Variants in ATG7 observed in about 807,000 individuals in gnomAD.
ATG7 encodes ubiquitin-like modifier-activating enzyme ATG7.
In ATG7, 70 loss-of-function variants were observed where a neutral mutation model predicts 82.4. That is an observed-to-expected ratio of 0.85 (90% CI 0.70 to 1.04). The LOEUF is 1.04. Among genes scored for constraint, ATG7 ranks in the 50% least tolerant of loss-of-function variants. ATG7 has a pLI of 0.00. For missense variants in ATG7, 792 were observed against 864.3 expected (o/e 0.92, Z 1.05); for synonymous variants, 287 against 313.0 (o/e 0.92, Z 0.88).
At position 11,557,138 on chromosome 3, in the gene ATG7, T is replaced by C. The variant is rs541506267; in HGVS notation, c.*2295T>C. ...CACAGCACACCCCAGGGGGAGGGGA[T>C]AGAAACGCTCATTGACCAAAAAGGA... On this transcript the variant is annotated 3_prime_UTR_variant, in exon 21 of 21. Coordinates refer to ENST00000693202, the MANE Select transcript of ATG7 (RefSeq NM_001349232.2). The C allele has an allele frequency of 1.3e-5, 2 of 152,720 alleles. No individual in the cohort carries two copies. The highest frequency in any genetic ancestry group is 2.4e-5 in the African/African-American group (1 of 41,562). 9.5% of individuals were successfully genotyped at this position (152,720 alleles called of 1,614,324 possible). A position where few individuals can be genotyped will look rare whatever the true frequency, so the allele number is the denominator to read the frequency against.
chr3:11,302,991 G>A (rs1207958109), intron 5 of ATG7, among the ~76,000 whole-genome samples: 1 of 152,196 alleles, frequency 6.6e-6, no homozygotes, highest in Non-Finnish European at 1.5e-5. Context: ...ACACTAAGAA[G>A]TTCATTTCTT....
At chr3:11,558,838 G>A, downstream of ATG7, 1 of 1,608,642 alleles carries the variant, frequency 6.2e-7, no homozygotes, top group South Asian at 1.1e-5. Context: ...CTGCAGGCAA[G>A]CAGGAAGGCA....
chr3:11,298,023 C>T (rs559450722), intron 3 of ATG7, among the ~76,000 whole-genome samples: 4 of 152,008 alleles, frequency 2.6e-5, no homozygotes, highest in Admixed American at 6.5e-5. Context: ...ACCAAAAATA[C>T]AAAAAATTAG....
At chr3:11,400,832 AC>A (rs1373597904) in intron 19 of ATG7, among the ~76,000 whole-genome samples, 1 of 143,494 alleles carries the variant, frequency 7.0e-6, no homozygotes, top group Non-Finnish European at 1.5e-5. Context: ...TACATTACAA[AC>A]GTCACTCAGG....
intron 20 of ATG7, among the ~76,000 whole-genome samples, chr3:11,500,427 C>T (rs759420366): frequency 2.0e-5 from 3 of 151,086 alleles, no homozygotes; most frequent in Non-Finnish European, 4.4e-5. Context: ...GTAACAATAA[C>T]ATATCTGATC....
chr3:11,282,146 C>T (rs1282631524), intron 2 of ATG7, 47 bp from the exon 3 acceptor site: 1 of 152,252 alleles, frequency 6.6e-6, no homozygotes, highest in Non-Finnish European at 1.5e-5. Flanking sequence ...TGCTTCCTCT[C>T]TCCTCTTTCC....
At chr3:11,573,307 GGAAGGAAGGAAGAAAGAAAGAAAGAAAGA>G in the ATG7 span, among the ~76,000 whole-genome samples, 9 of 19,960 alleles carry the variant, frequency 4.5e-4, 1 homozygote, top group African/African-American at 3.1e-3. Flanking sequence ...AAGAAAGAAA[GGAAGGAAGGAAGAAAGAAAGAAAGAAAGA>G]AAGAAAGAAA....
chr3:11,484,204 G>A (rs1574945125), intron 20 of ATG7, among the ~76,000 whole-genome samples: 1 of 152,086 alleles, frequency 6.6e-6, no homozygotes, highest in Non-Finnish European at 1.5e-5. Context: ...GACCAGCCTG[G>A]CCAATACAGT....
At chr3:11,334,344 A>G (rs890922092) in intron 11 of ATG7, among the ~76,000 whole-genome samples, 3 of 151,910 alleles carry the variant, frequency 2.0e-5, no homozygotes, top group Non-Finnish European at 4.4e-5. Flanking sequence ...TCCCAGGTTC[A>G]AGTGATTCTC....
chr3:11,494,803 G>T lies in ATG7; in HGVS notation c.2080-60008G>T, dbSNP rs144387308. Among the ~76,000 whole-genome samples, 26 of 152,318 alleles carry T rather than the reference G, an allele frequency of 1.7e-4. 1 individual carries two copies. The East Asian group carries it at 4.6e-3, about 27-fold the overall frequency. Reference sequence around the variant, plus strand: ...TAAAGGCTTGAACAGGCCAGGCATGGTGGCTCACACCAGTAATCCCAGCAC... The same window carrying T: ...TAAAGGCTTGAACAGGCCAGGCATGTTGGCTCACACCAGTAATCCCAGCAC... On this transcript the variant is annotated intron_variant, in intron 20 of 20. Transcript: ENST00000693202.
intron 9 of ATG7, among the ~76,000 whole-genome samples, chr3:11,329,568 C>G (rs186863819): frequency 5.9e-5 from 9 of 152,342 alleles, no homozygotes; most frequent in South Asian, 4.1e-4. Context: ...CACCGAGTGT[C>G]TGCTCTGTAT....
At chr3:11,511,354 CAG>C (rs1371814808) in intron 20 of ATG7, among the ~76,000 whole-genome samples, 1 of 152,168 alleles carries the variant, frequency 6.6e-6, no homozygotes, top group Admixed American at 6.5e-5. Flanking sequence ...TAGTTAGATA[CAG>C]AGTTTCGACA....
intron 20 of ATG7, among the ~76,000 whole-genome samples, chr3:11,441,457 T>C (rs1428408890): frequency 6.6e-6 from 1 of 151,990 alleles, no homozygotes; most frequent in Non-Finnish European, 1.5e-5. Context: ...TTGGCCAGGC[T>C]GGTCTTGCAC....
At chr3:11,273,863 G>C (rs1559302100) in intron 1 of ATG7, among the ~76,000 whole-genome samples, 1 of 152,100 alleles carries the variant, frequency 6.6e-6, no homozygotes. Context: ...CAGTAATTGG[G>C]GGGAAGCATA....
intron 20 of ATG7, among the ~76,000 whole-genome samples, chr3:11,444,303 G>A (rs1361890021): frequency 2.6e-5 from 4 of 152,118 alleles, no homozygotes; most frequent in African/African-American, 9.7e-5. Flanking sequence ...TTCTCTGGGT[G>A]TTTCTCAACC....
At chr3:11,411,055 A>G (rs1350757092) in intron 19 of ATG7, among the ~76,000 whole-genome samples, 1 of 152,134 alleles carries the variant, frequency 6.6e-6, no homozygotes, top group Non-Finnish European at 1.5e-5. Flanking sequence ...TTACATTCCA[A>G]TCAGCAATGT....
At chr3:11,333,644 G>GTA (rs1036284508) in intron 11 of ATG7, among the ~76,000 whole-genome samples, 96 of 150,754 alleles carry the variant, frequency 6.4e-4, no homozygotes, top group African/African-American at 1.9e-3. Context: ...GTGTGTGTGT[G>GTA]TATATATATA....
chr3:11,429,881 G>C (rs1377870029), intron 20 of ATG7, among the ~76,000 whole-genome samples: 1 of 151,418 alleles, frequency 6.6e-6, no homozygotes, highest in Non-Finnish European at 1.5e-5. Context: ...GGGAGGCAGA[G>C]GTTGCAGTGA....
At chr3:11,574,785 A>ATATGTGTGTGTGTG in the ATG7 span, among the ~76,000 whole-genome samples, 10 of 121,778 alleles carry the variant, frequency 8.2e-5, no homozygotes, top group East Asian at 8.8e-4. Flanking sequence ...TCAACTATAT[A>ATATGTGTGTGTGTG]TGTGTGTGTG....
Sources: allele counts gnomAD v4.1 joint callset (sites outside exome capture counted in the v4.1 genomes callset), GRCh38; gene constraint gnomAD v4.1.1; transcripts MANE v1.5; gene names NCBI Gene and HGNC (gene_info 2026-07-23, HGNC 2026-07-21).